The following SRFBP1 variants were observed in gnomAD, a reference collection of about 807,000 sequenced individuals.
SRFBP1 encodes serum response factor binding protein 1, also known as serum response factor-binding protein 1.
In SRFBP1, 47 loss-of-function variants were observed where a neutral mutation model predicts 45.5. The ratio of observed to expected loss-of-function variants is 1.03; its 90% CI spans 0.82 to 1.32. The LOEUF (loss-of-function observed/expected upper bound fraction) is 1.32. Ranked by LOEUF, SRFBP1 falls within the 40% of genes most tolerant of loss-of-function variation. The pLI is 0.00. For missense variants in SRFBP1, 621 were observed against 484.6 expected (o/e 1.28, Z -2.64); for synonymous variants, 203 against 166.3 (o/e 1.22, Z -1.70).
intron 7 of SRFBP1, among the ~76,000 whole-genome samples, chr5:122,024,968 A>G (rs888393806): frequency 1.3e-5 from 2 of 151,650 alleles, no homozygotes; most frequent in African/African-American, 2.4e-5. Flanking sequence ...TTTTATTTTT[A>G]TTATTATTAC....
rs184794105 is a variant in SRFBP1, at chr5:122,036,989, C to G, written n.311+14582C>G. 1.2e-3 allele frequency among the ~76,000 whole-genome samples: 178 copies of G among 151,866 alleles called. 1 individual carries two copies. The highest frequency in any genetic ancestry group is 4.2e-3 in the African/African-American group (173 of 41,406). The stretch of plus-strand genomic sequence containing the variant: ...GGCTCACTGCAACCTCTGCCTCCCT[C>G]CCGGGTTCAAGCAATTCTCCTGCCT... On this transcript the variant is annotated intron_variant and non_coding_transcript_variant, in intron 2 of 2. Transcript: ENST00000504881.
At chr5:121,990,487 A>G (rs559129379) in intron 3 of SRFBP1, among the ~76,000 whole-genome samples, 117 of 152,286 alleles carry the variant, frequency 7.7e-4, no homozygotes, top group African/African-American at 2.7e-3. Context: ...CCTCACTATC[A>G]GCATGACGGG....
chr5:122,046,910 A>C (rs1387747309), intron 2 of SRFBP1, among the ~76,000 whole-genome samples: 11 of 151,866 alleles, frequency 7.2e-5, no homozygotes, highest in South Asian at 2.1e-4. Context: ...TTTTTCTTGT[A>C]AATTTGTTTG....
chr5:121,991,673 G>C lies in SRFBP1; in HGVS notation c.199-2926G>C, dbSNP rs184102630. ...ATATATCATTTATTGCAGTTTTTGT[G>C]TTGTCTAAAAAAAGTCTTAGTTTCT... On this transcript the variant is annotated intron_variant, in intron 3 of 7. Transcript: ENST00000339397. 6.6e-5 allele frequency among the ~76,000 whole-genome samples: 10 copies of C among 152,188 alleles called. No homozygotes were observed. The East Asian group carries it at 1.9e-3, about 29-fold the overall frequency.
intron 2 of SRFBP1, among the ~76,000 whole-genome samples, chr5:122,043,288 T>C (rs1347456351): frequency 1.3e-5 from 2 of 152,100 alleles, no homozygotes; most frequent in East Asian, 3.9e-4. Flanking sequence ...CGATTTTGGC[T>C]CACTGCAACC....
chr5:121,987,265 CAT>C (rs772498251), intron 3 of SRFBP1, among the ~76,000 whole-genome samples: 19 of 152,190 alleles, frequency 1.2e-4, no homozygotes, highest in Admixed American at 7.9e-4. Flanking sequence ...CCCAGTATCA[CAT>C]GTCTCTGAGC....
At chr5:121,982,148 A>G (rs1202043465) in intron 3 of SRFBP1, among the ~76,000 whole-genome samples, 3 of 151,984 alleles carry the variant, frequency 2.0e-5, no homozygotes, top group Admixed American at 6.6e-5. Context: ...ACCTTAGCCA[A>G]TGCCCTGAGA....
intron 3 of SRFBP1, among the ~76,000 whole-genome samples, chr5:121,986,656 A>G (rs1291691106): frequency 6.6e-6 from 1 of 152,082 alleles, no homozygotes; most frequent in Non-Finnish European, 1.5e-5. Flanking sequence ...AGCTTGTTTG[A>G]GACCCTAATT....
chr5:122,069,154 G>A (rs1201385040), intron 2 of SRFBP1, among the ~76,000 whole-genome samples: 2 of 152,100 alleles, frequency 1.3e-5, no homozygotes, highest in Non-Finnish European at 2.9e-5. Context: ...CTGGGTTTTT[G>A]TATCAGGCAG....
chr5:122,049,535 A>G (rs1486328861), intron 2 of SRFBP1, among the ~76,000 whole-genome samples: 1 of 151,652 alleles, frequency 6.6e-6, no homozygotes, highest in Non-Finnish European at 1.5e-5. Flanking sequence ...CCTAATAGAC[A>G]TCTACAGAAC....
chr5:122,021,855 TTTTTG>T (rs1029089712), intron 6 of SRFBP1, among the ~76,000 whole-genome samples: 5 of 151,532 alleles, frequency 3.3e-5, no homozygotes, highest in African/African-American at 7.3e-5. Context: ...TTTTGTTTTT[TTTTTG>T]TTTTGTTTTG....
At chr5:122,059,858 G>C (rs1177530036) in intron 2 of SRFBP1, among the ~76,000 whole-genome samples, 1 of 152,142 alleles carries the variant, frequency 6.6e-6, no homozygotes, top group Admixed American at 6.6e-5. Context: ...CAAAGACCAA[G>C]AACAGGATAG....
At chr5:121,962,604 A>C (rs1298556374) in intron 1 of SRFBP1, among the ~76,000 whole-genome samples, 4 of 152,192 alleles carry the variant, frequency 2.6e-5, no homozygotes, top group African/African-American at 9.7e-5. Flanking sequence ...ACTTCAATAA[A>C]GAGCTGTTTA....
chr5:121,981,508 C>T (rs1266724614), intron 3 of SRFBP1, among the ~76,000 whole-genome samples: 2 of 151,124 alleles, frequency 1.3e-5, no homozygotes, highest in Non-Finnish European at 3.0e-5. Context: ...GATCTGTACT[C>T]TGGCTACCTC....
chr5:122,031,434 A>G (rs559102145), downstream of SRFBP1, among the ~76,000 whole-genome samples: 30 of 152,360 alleles, frequency 2.0e-4, no homozygotes, highest in African/African-American at 6.7e-4. Context: ...CAGACTTCAC[A>G]CTTACTCAAA....
At chr5:121,965,420 T>C (rs998763907) in intron 1 of SRFBP1, among the ~76,000 whole-genome samples, 1 of 152,222 alleles carries the variant, frequency 6.6e-6, no homozygotes, top group Admixed American at 6.5e-5. Context: ...CTACCCAGTT[T>C]TCCCAACACC....
intron 3 of SRFBP1, among the ~76,000 whole-genome samples, chr5:121,983,135 T>C (rs908614920): frequency 1.3e-5 from 2 of 151,258 alleles, no homozygotes; most frequent in Admixed American, 6.6e-5. Context: ...TCTTACAAAA[T>C]GTGATGTTCT....
chr5:122,070,433 C>A, intron 2 of SRFBP1: 2 of 887,454 alleles, frequency 2.3e-6, no homozygotes, highest in South Asian at 1.5e-5. Context: ...CATTTGAATC[C>A]AGAGAAGAGG....
At chr5:122,075,880 A>G (rs903248829), downstream of SRFBP1, 3 of 159,562 alleles carry the variant, frequency 1.9e-5, no homozygotes, top group African/African-American at 7.2e-5. Flanking sequence ...GATCATATGA[A>G]TGAGTGAAAC....
Sources: gnomAD v4.1 joint callset for allele counts (sites outside exome capture counted in the v4.1 genomes callset) on GRCh38, gnomAD v4.1.1 for gene constraint, MANE v1.5 for transcripts, NCBI Gene and HGNC (gene_info 2026-07-23, HGNC 2026-07-21) for gene names.